LRP1B: variants seen among roughly 807,000 people sequenced by gnomAD.
LRP1B encodes the protein LDL receptor related protein 1B, also known as low-density lipoprotein receptor-related protein 1B.
A neutral mutation model predicts 556.6 loss-of-function variants in LRP1B; 217 were observed. That is an observed-to-expected ratio of 0.39 (90% CI 0.35 to 0.44). The LOEUF is 0.44. LRP1B is among the 20% of genes least tolerant of loss of function. The probability of loss-of-function intolerance (pLI) is 1.00; values close to 1 mark genes in which losing one functional copy is unlikely to be tolerated. For synonymous variants in LRP1B, 2,047 were observed against 1,865.8 expected, an observed-to-expected ratio of 1.10 and a Z score of -2.50; for missense variants, 5,053 against 5,620.8, an observed-to-expected ratio of 0.90 and a Z score of 3.23.
At chr2:140,581,229 G>T (rs143986003) in intron 43 of LRP1B, among the ~76,000 whole-genome samples, 137 of 152,268 alleles carry the variant, frequency 9.0e-4, no homozygotes, top group African/African-American at 3.2e-3. Flanking sequence ...TTTAACGAAG[G>T]TAACATTATT....
intron 2 of LRP1B, among the ~76,000 whole-genome samples, chr2:141,743,487 TTTTTTTTTTTTTTC>T (rs1317909860): frequency 3.6e-3 from 28 of 7,720 alleles, no homozygotes; most frequent in South Asian, 0.013. Flanking sequence ...TGCTTTTTTC[TTTTTTTTTTTTTTC>T]TTTTTTTTTT....
At chr2:141,699,099 G>A (rs963076363) in intron 2 of LRP1B, among the ~76,000 whole-genome samples, 1 of 151,782 alleles carries the variant, frequency 6.6e-6, no homozygotes, top group African/African-American at 2.4e-5. Flanking sequence ...AGGTTTCTCT[G>A]TAAATAGCCT....
At chr2:140,804,528 G>A (rs1016773501) in intron 32 of LRP1B, among the ~76,000 whole-genome samples, 2 of 151,186 alleles carry the variant, frequency 1.3e-5, no homozygotes, top group African/African-American at 2.4e-5. Flanking sequence ...TACTTTTAAA[G>A]TTCTAAAATT....
intron 25 of LRP1B, among the ~76,000 whole-genome samples, chr2:140,872,988 A>G (rs1214191708): frequency 6.6e-6 from 1 of 152,162 alleles, no homozygotes. Context: ...GGTTTAAGAA[A>G]ATAAAAGTAC....
chr2:140,315,468 A>G (rs575056735), intron 82 of LRP1B, among the ~76,000 whole-genome samples: 50 of 152,166 alleles, frequency 3.3e-4, no homozygotes, highest in African/African-American at 1.0e-3. Flanking sequence ...ACTGGTGGGC[A>G]GTGGCATGAT....
chr2:141,717,489 C>T (rs1692649861), intron 2 of LRP1B, among the ~76,000 whole-genome samples: 1 of 152,164 alleles, frequency 6.6e-6, no homozygotes, highest in Non-Finnish European at 1.5e-5. Context: ...CAGTTCTTGC[C>T]ACCTTGGCTT....
intron 23 of LRP1B, chr2:140,898,355 C>G (rs375013809): frequency 3.2e-5 from 5 of 157,384 alleles, no homozygotes; most frequent in African/African-American, 1.2e-4. Context: ...TAGTGTGGGT[C>G]CTGGGGCTTC....
At chr2:142,117,094 C>G (rs184010254) in intron 1 of LRP1B, among the ~76,000 whole-genome samples, 2 of 152,004 alleles carry the variant, frequency 1.3e-5, no homozygotes, top group African/African-American at 2.4e-5. Context: ...ACTTCCCACA[C>G]GGAATATTTT....
chr2:141,772,849 T>C (rs527767697), intron 2 of LRP1B, among the ~76,000 whole-genome samples: 2 of 152,282 alleles, frequency 1.3e-5, no homozygotes, highest in African/African-American at 4.8e-5. Flanking sequence ...GGCGTGAAAC[T>C]TCAAGAAGGC....
chr2:140,347,279 A>T (rs1167548130), intron 77 of LRP1B, among the ~76,000 whole-genome samples: 1 of 151,850 alleles, frequency 6.6e-6, no homozygotes, highest in Non-Finnish European at 1.5e-5. Context: ...TTTAAGTTTT[A>T]AATTATTTCT....
chr2:140,688,336 A>G (rs1373027598), intron 41 of LRP1B, among the ~76,000 whole-genome samples: 1 of 152,180 alleles, frequency 6.6e-6, no homozygotes, highest in Admixed American at 6.5e-5. Flanking sequence ...TCTTTTCCCT[A>G]TTAAATAATC....
chr2:141,523,444 G>A (rs769206257), intron 2 of LRP1B, among the ~76,000 whole-genome samples: 5 of 151,982 alleles, frequency 3.3e-5, no homozygotes, highest in African/African-American at 4.8e-5. Context: ...GAAAGTAATT[G>A]CCAAGAGTCA....
At chr2:140,268,067 G>A (rs534479296) in intron 86 of LRP1B, among the ~76,000 whole-genome samples, 2 of 151,966 alleles carry the variant, frequency 1.3e-5, no homozygotes, top group African/African-American at 4.8e-5. Flanking sequence ...GGCCTGAAAT[G>A]GATATATTTT....
chr2:140,439,500 C>T (rs557408943), intron 66 of LRP1B, among the ~76,000 whole-genome samples: 1 of 152,202 alleles, frequency 6.6e-6, no homozygotes, highest in African/African-American at 2.4e-5. Context: ...AGATTTAAAT[C>T]TTTACATACA....
chr2:140,892,505 A>G (rs537254238), intron 23 of LRP1B, among the ~76,000 whole-genome samples: 4 of 152,314 alleles, frequency 2.6e-5, no homozygotes, highest in African/African-American at 9.6e-5. Context: ...TGTTACTCCT[A>G]CATATTAGGG....
intron 22 of LRP1B, among the ~76,000 whole-genome samples, chr2:140,903,595 G>A (rs1402245406): frequency 1.3e-5 from 2 of 151,976 alleles, no homozygotes; most frequent in African/African-American, 2.4e-5. Context: ...AAATTAACAA[G>A]TATATCCATA....
intron 35 of LRP1B, 37 bp from the exon 36 acceptor site, chr2:140,716,853 A>G (rs529610033): frequency 2.2e-6 from 3 of 1,340,648 alleles, no homozygotes; most frequent in Non-Finnish European, 2.1e-6. Flanking sequence ...ACATATACAC[A>G]CACTGTAAAA....
At chr2:141,274,007 A>G (rs1353210458) in intron 3 of LRP1B, among the ~76,000 whole-genome samples, 1 of 152,228 alleles carries the variant, frequency 6.6e-6, no homozygotes, top group Non-Finnish European at 1.5e-5. Context: ...CAAAACCACA[A>G]CAAAATACTA....
chr2:140,249,110 G>GA lies in LRP1B; in HGVS notation c.13248-1949dup, dbSNP rs150749106. 7.3e-3 allele frequency among the ~76,000 whole-genome samples: 1,102 copies of GA among 151,594 alleles called. 56 individuals are homozygous for GA. In the East Asian group the frequency reaches 0.13, roughly 18 times the overall value. ...CCAAGGCATATTTTATTGTGTTACT[G>GA]AAAAAAGAACCTCTGGGACTCATTA... On this transcript the variant is annotated intron_variant, in intron 86 of 90. Transcript: ENST00000389484.
Sources: allele counts gnomAD v4.1 joint callset (sites outside exome capture counted in the v4.1 genomes callset), GRCh38; gene constraint gnomAD v4.1.1; transcripts MANE v1.5; gene names NCBI Gene and HGNC (gene_info 2026-07-23, HGNC 2026-07-21).